The following DENND3 variants were observed in gnomAD, a reference collection of about 807,000 sequenced individuals.
The protein encoded by DENND3 is DENN domain containing 3, also known as DENN domain-containing protein 3.
Under a neutral mutation model 135.1 loss-of-function variants are expected in DENND3, and 88 were observed. That is an observed-to-expected ratio of 0.65 (90% CI 0.55 to 0.78). DENND3 has a LOEUF of 0.78. Ranked by LOEUF, DENND3 falls within the 30% of genes least tolerant of loss-of-function variation. The probability of loss-of-function intolerance (pLI) is 0.00; values close to 1 mark genes in which losing one functional copy is unlikely to be tolerated. For missense variants in DENND3, 1,392 were observed against 1,688.4 expected (o/e 0.82, Z 3.08); for synonymous variants, 693 against 712.3 (o/e 0.97, Z 0.43).
At chr8:141,192,701 A>C (rs781184440) in intron 22 of DENND3, 38 bp downstream of exon 22, 2 of 1,606,334 alleles carry the variant, frequency 1.2e-6, no homozygotes, top group African/African-American at 2.7e-5. Flanking sequence ...CATCCCCGGC[A>C]GGTCTCGCTT....
intron 8 of DENND3, among the ~76,000 whole-genome samples, 200 bp from the exon 9 acceptor site, chr8:141,160,432 G>A (rs1174450028): frequency 5.9e-5 from 9 of 152,222 alleles, no homozygotes; most frequent in Admixed American, 4.6e-4. Flanking sequence ...CACCCACCTC[G>A]GCCTCCCAAA....
At chr8:141,186,346 A>C (rs1167699110) in intron 18 of DENND3, among the ~76,000 whole-genome samples, 1 of 152,204 alleles carries the variant, frequency 6.6e-6, no homozygotes, top group Non-Finnish European at 1.5e-5. Flanking sequence ...CCCACGTGCC[A>C]GGTGGCAGAG....
At chr8:141,179,408 G>A (rs960853061) in intron 16 of DENND3, among the ~76,000 whole-genome samples, 2 of 152,166 alleles carry the variant, frequency 1.3e-5, no homozygotes, top group Admixed American at 1.3e-4. Flanking sequence ...GCCTTCTAAC[G>A]CCTCTGTTAT....
chr8:141,145,803 T>A (rs1191734697), intron 5 of DENND3, among the ~76,000 whole-genome samples: 9 of 87,108 alleles, frequency 1.0e-4, no homozygotes, highest in South Asian at 4.2e-4. Flanking sequence ...ATATTGAATA[T>A]TATATATATA....
intron 10 of DENND3, among the ~76,000 whole-genome samples, chr8:141,164,615 T>C (rs761735274): frequency 1.3e-5 from 2 of 152,182 alleles, no homozygotes; most frequent in African/African-American, 2.4e-5. Flanking sequence ...AGTCGTTCTT[T>C]GGTTTGATGC....
Position 141,185,129 on chromosome 8 carries a change from T to C in DENND3, c.2945-10T>C, listed in dbSNP as rs1338115780. On this transcript the variant is annotated splice_polypyrimidine_tract_variant and intron_variant, in intron 17 of 22. Transcript: ENST00000519811. ...TCCTCCTAACAGTTTTGTGCTGCTCTCCTCTTTAGGGCATCTTGACCCAGC... is the reference window on the plus strand; with the variant it reads ...TCCTCCTAACAGTTTTGTGCTGCTCCCCTCTTTAGGGCATCTTGACCCAGC... 6.2e-7 allele frequency: 1 copy of C among 1,610,716 alleles called. No individual in the cohort carries two copies. The highest frequency in any genetic ancestry group is 8.5e-7 in the Non-Finnish European group (1 of 1,177,484).
At chr8:141,162,529 G>A (rs183705221) in intron 9 of DENND3, among the ~76,000 whole-genome samples, 21 of 152,250 alleles carry the variant, frequency 1.4e-4, no homozygotes, top group Admixed American at 1.1e-3. Context: ...AACACATTAC[G>A]TACTAAGTAT....
In DENND3 at chr8:141,182,599, C is replaced by CAGAG. The variant is rs1476304849; in HGVS notation, c.2944+1748_2944+1751dup. 3.1e-6 allele frequency: 2 copies of CAGAG among 635,982 alleles called. No individual in the cohort carries two copies. The highest frequency in any genetic ancestry group is 2.0e-6 in the Non-Finnish European group (1 of 511,828). 39.4% of individuals were successfully genotyped at this position (635,982 alleles called of 1,614,324 possible). ...CCTCCAGGAGCATCTCGAAGGCCTG[C>CAGAG]AGAGAGCGTGCAAAGCAGCCGTGGG... On this transcript the variant is annotated intron_variant, in intron 17 of 22. Transcript: ENST00000519811. This position sits in a 1 kb window ranked among gnomAD's most constrained non-coding sequence, Gnocchi z 5.9.
At chr8:141,140,840 C>T (rs1323800964) in intron 3 of DENND3, among the ~76,000 whole-genome samples, 3 of 152,228 alleles carry the variant, frequency 2.0e-5, no homozygotes, top group African/African-American at 4.8e-5. Flanking sequence ...CTCCTGGGCA[C>T]GTGTGGGTGC....
At position 141,194,093 on chromosome 8, in the gene DENND3, G is replaced by T; in HGVS notation, c.3697G>T (p.Asp1233Tyr). Reference protein sequence around the residue: ...GTPKGKIYVIDAERKTVEKEL... With the variant: ...GTPKGKIYVIYAERKTVEKEL... ...ACCCAAGGGGAAAATCTACGTGATT[G>T]ACGCCGAGAGGAAGACCGTGGAGAA... Residue 1233 changes from aspartate (D) to tyrosine (Y), a missense_variant, in exon 23 of 23, where the codon GAC (aspartate) becomes TAC (tyrosine). Transcript: ENST00000519811. The T allele has an allele frequency of 6.2e-7, 1 of 1,614,004 alleles. No individual in the cohort carries two copies. The highest frequency in any genetic ancestry group is 8.5e-7 in the Non-Finnish European group (1 of 1,180,014).
intron 15 of DENND3, chr8:141,177,470 G>T (rs1822535516): frequency 6.6e-6 from 1 of 152,472 alleles, no homozygotes; most frequent in Non-Finnish European, 1.5e-5. Context: ...GAAATGCCGG[G>T]GACGATGGCA....
In DENND3 at chr8:141,151,715, T is replaced by C; in HGVS notation, c.952T>C (p.Tyr318His). 1 of 1,614,204 alleles carries C rather than the reference T, an allele frequency of 6.2e-7. No individual in the cohort carries two copies. Among genetic ancestry groups the C allele is most frequent in the Non-Finnish European group, 8.5e-7 (1 of 1,180,032 alleles). The change falls in exon 7 of 23, where the codon TAT becomes CAT. Residue 318 changes from tyrosine (Y) to histidine (H), a missense_variant. Transcript: ENST00000519811. ...CACTGAGTGCTTCATGGCCTACCTG[T>C]ATCCGCTGCAGTGGCAGCACCCCTT... Reference protein sequence around the residue: ...LVTECFMAYLYPLQWQHPFVP... With the variant: ...LVTECFMAYLHPLQWQHPFVP...
intron 13 of DENND3, among the ~76,000 whole-genome samples, chr8:141,172,545 C>A (rs4961333): frequency 3.3e-5 from 5 of 151,890 alleles, no homozygotes; most frequent in African/African-American, 1.2e-4. Flanking sequence ...GTGGACCAGG[C>A]AGCAAGAAGA....
intron 21 of DENND3, 32 bp from the exon 22 acceptor site, chr8:141,192,494 G>A (rs762795087): frequency 5.6e-5 from 90 of 1,611,360 alleles, no homozygotes; most frequent in Non-Finnish European, 8.5e-6. Flanking sequence ...GTGGCCCGGG[G>A]CCCATAGCCC....
Position 141,168,784 on chromosome 8 carries a change from C to T in DENND3, c.2275+259C>T, listed in dbSNP as rs1334522671. 1.3e-5 allele frequency among the ~76,000 whole-genome samples: 2 copies of T among 152,140 alleles called. No individual in the cohort carries two copies. Among genetic ancestry groups the T allele is most frequent in the African/African-American group, 2.4e-5 (1 of 41,410 alleles). The stretch of plus-strand genomic sequence containing the variant: ...CAGGCTGGTCTCGAACTCCTGGGCT[C>T]AAGTGATCCACCCACCTCGGCCTCC... On this transcript the variant is annotated intron_variant, in intron 13 of 22. Coordinates refer to ENST00000519811, the MANE Select transcript of DENND3 (RefSeq NM_001352890.3). This position sits in a 1 kb window ranked among gnomAD's most constrained non-coding sequence, Gnocchi z 6.2.
chr8:141,151,975 AAG>A, intron 7 of DENND3, 138 bp downstream of exon 7: 1 of 1,054,264 alleles, frequency 9.5e-7, no homozygotes, highest in Non-Finnish European at 1.4e-6. Flanking sequence ...GTACCGTGAG[AAG>A]TGGCTGTTCA....
At chr8:141,134,964 G>T (rs370370780) in intron 1 of DENND3, among the ~76,000 whole-genome samples, 2 of 151,986 alleles carry the variant, frequency 1.3e-5, no homozygotes, top group African/African-American at 2.4e-5. Flanking sequence ...CCGCCCGGCC[G>T]AGTAGCTGGG....
Position 141,154,857 on chromosome 8 carries a change from C to T in DENND3, c.1075-992C>T, listed in dbSNP as rs184136815. Among the ~76,000 whole-genome samples, 393 of 152,306 alleles carry T rather than the reference C, an allele frequency of 2.6e-3. 1 individual carries two copies. The highest frequency in any genetic ancestry group is 9.2e-3 in the African/African-American group (381 of 41,562). On this transcript the variant is annotated intron_variant, in intron 7 of 22. Transcript: ENST00000519811. The surrounding 1 kb of genome is among the most constrained non-coding windows in gnomAD (Gnocchi z 4.4). ...GGATTACAGGCATGAGCCACTGCAC[C>T]CAGCCTGTGTTGGAATCTTCACTGA...
chr8:141,189,547 G>A (rs865882503), intron 19 of DENND3, among the ~76,000 whole-genome samples: 6 of 152,244 alleles, frequency 3.9e-5, no homozygotes, highest in South Asian at 2.1e-4. Context: ...TTCCCACAGT[G>A]GGAGCAGCAC....
Sources: gnomAD v4.1 joint callset for allele counts (sites outside exome capture counted in the v4.1 genomes callset) on GRCh38, gnomAD v4.1.1 for gene constraint, Gnocchi (gnomAD v3.1) non-coding constraint, MANE v1.5 for transcripts, NCBI Gene and HGNC (gene_info 2026-07-23, HGNC 2026-07-21) for gene names.